CTNND2: variants seen among roughly 807,000 people sequenced by gnomAD.
The protein encoded by CTNND2 is catenin delta-2.
Under a neutral mutation model 144.4 loss-of-function variants are expected in CTNND2, and 22 were observed. The observed-to-expected ratio is 0.15, with a 90% CI of 0.11 to 0.22. The LOEUF is 0.22. Ranked by LOEUF, CTNND2 falls within the 10% of genes least tolerant of loss-of-function variation. CTNND2 has a pLI of 1.00. For missense variants in CTNND2, 1,353 were observed against 1,618.8 expected (o/e 0.84, Z 2.82); for synonymous variants, 751 against 695.6 (o/e 1.08, Z -1.25).
chr5:11,771,728 A>G (rs1451468571), intron 1 of CTNND2, among the ~76,000 whole-genome samples: 1 of 152,198 alleles, frequency 6.6e-6, no homozygotes, highest in Non-Finnish European at 1.5e-5. Flanking sequence ...TAGCTACCTG[A>G]GCTACTGTTT....
chr5:11,582,166 T>C (rs1778487856), intron 2 of CTNND2, among the ~76,000 whole-genome samples: 1 of 152,174 alleles, frequency 6.6e-6, no homozygotes. Flanking sequence ...GAAGCCCCTG[T>C]ATGAGAGACA....
chr5:11,283,258 C>T (rs1017398856), intron 9 of CTNND2, among the ~76,000 whole-genome samples: 2 of 152,108 alleles, frequency 1.3e-5, no homozygotes, highest in African/African-American at 4.8e-5. Context: ...ATTGAAATCA[C>T]TTGCCCATGC....
At chr5:11,440,897 C>T (rs1472592761) in intron 3 of CTNND2, among the ~76,000 whole-genome samples, 1 of 152,100 alleles carries the variant, frequency 6.6e-6, no homozygotes, top group South Asian at 2.1e-4. Flanking sequence ...GCTGAGTTTA[C>T]ACATAATTTG....
chr5:11,491,482 A>C (rs1024939149), intron 3 of CTNND2, among the ~76,000 whole-genome samples: 1 of 152,194 alleles, frequency 6.6e-6, no homozygotes, highest in African/African-American at 2.4e-5. Flanking sequence ...GAGAAGTTAA[A>C]TAATTTATTC....
chr5:11,161,435 G>A (rs61751858), intron 11 of CTNND2, among the ~76,000 whole-genome samples: 82 of 152,214 alleles, frequency 5.4e-4, no homozygotes, highest in Admixed American at 5.2e-3. Flanking sequence ...GGACTGATTT[G>A]AAATACTAGG....
At chr5:10,987,667 C>T (rs1738162008) in intron 20 of CTNND2, among the ~76,000 whole-genome samples, 1 of 134,602 alleles carries the variant, frequency 7.4e-6, no homozygotes, top group Non-Finnish European at 1.6e-5. Flanking sequence ...CCCCACTCCC[C>T]TCTCCTCCCC....
chr5:11,617,646 T>C (rs763893117), intron 2 of CTNND2, among the ~76,000 whole-genome samples: 9 of 152,166 alleles, frequency 5.9e-5, no homozygotes, highest in Non-Finnish European at 1.2e-4. Context: ...CATATTGGTA[T>C]ATAGAGGAAT....
chr5:11,702,118 G>T (rs545775820), intron 2 of CTNND2, among the ~76,000 whole-genome samples: 1 of 152,290 alleles, frequency 6.6e-6, no homozygotes, highest in South Asian at 2.1e-4. Context: ...GGGTCCAGTT[G>T]CTCCAGATCA....
At chr5:11,894,767 C>T (rs760374662) in intron 1 of CTNND2, among the ~76,000 whole-genome samples, 8 of 152,158 alleles carry the variant, frequency 5.3e-5, no homozygotes, top group East Asian at 1.9e-4. Flanking sequence ...GTGCCAAGCA[C>T]GATTTAGATC....
At chr5:11,764,382 T>C (rs1201133731) in intron 1 of CTNND2, among the ~76,000 whole-genome samples, 1 of 152,156 alleles carries the variant, frequency 6.6e-6, no homozygotes, top group Middle Eastern at 3.2e-3. Flanking sequence ...GACAATCTGT[T>C]ACAGCAGCCG....
intron 1 of CTNND2, among the ~76,000 whole-genome samples, chr5:11,772,084 G>A (rs937313141): frequency 5.3e-5 from 8 of 152,144 alleles, no homozygotes; most frequent in African/African-American, 1.7e-4. Flanking sequence ...CATGGTCCCT[G>A]CCTGTTCTAG....
intron 1 of CTNND2, among the ~76,000 whole-genome samples, chr5:11,754,588 T>C (rs2126792193): frequency 6.6e-6 from 1 of 151,970 alleles, no homozygotes; most frequent in Non-Finnish European, 1.5e-5. Flanking sequence ...TGTGGTTATC[T>C]ACATCTCTTT....
At chr5:11,103,746 A>G (rs1232926948) in intron 14 of CTNND2, among the ~76,000 whole-genome samples, 2 of 152,090 alleles carry the variant, frequency 1.3e-5, no homozygotes, top group African/African-American at 4.8e-5. Context: ...AAGACTTTGT[A>G]AACATGGGGT....
At chr5:11,049,557 G>C (rs1312200031) in intron 16 of CTNND2, among the ~76,000 whole-genome samples, 1 of 152,118 alleles carries the variant, frequency 6.6e-6, no homozygotes, top group African/African-American at 2.4e-5. Flanking sequence ...GGATACCCTG[G>C]CAAGCCTGCG....
At chr5:11,218,670 A>G (rs1739470640) in intron 10 of CTNND2, among the ~76,000 whole-genome samples, 1 of 152,234 alleles carries the variant, frequency 6.6e-6, no homozygotes, top group South Asian at 2.1e-4. Flanking sequence ...TGTCAAAGCC[A>G]CATGGAGCAC....
intron 14 of CTNND2, among the ~76,000 whole-genome samples, chr5:11,107,591 G>C (rs975159654): frequency 6.6e-6 from 1 of 152,230 alleles, no homozygotes; most frequent in African/African-American, 2.4e-5. Context: ...CAAAAGTCCT[G>C]CTTCTCCAGG....
intron 9 of CTNND2, among the ~76,000 whole-genome samples, chr5:11,274,789 ATTG>A (rs1183154226): frequency 6.6e-6 from 1 of 152,196 alleles, no homozygotes; most frequent in African/African-American, 2.4e-5. Context: ...TATTGTTGTT[ATTG>A]TTGTTGTTGG....
intron 2 of CTNND2, among the ~76,000 whole-genome samples, chr5:11,691,287 C>T (rs184420421): frequency 1.4e-3 from 211 of 151,930 alleles, no homozygotes; most frequent in African/African-American, 4.9e-3. Context: ...AGAAGAATGG[C>T]GTGAACCCAG....
intron 14 of CTNND2, among the ~76,000 whole-genome samples, chr5:11,107,523 G>C (rs995028406): frequency 6.6e-6 from 1 of 152,202 alleles, no homozygotes; most frequent in East Asian, 1.9e-4. Context: ...TAGGTGGTGG[G>C]ATTTCATGAT....
Sources: gnomAD v4.1 joint callset for allele counts (sites outside exome capture counted in the v4.1 genomes callset) on GRCh38, gnomAD v4.1.1 for gene constraint, MANE v1.5 for transcripts, NCBI Gene and HGNC (gene_info 2026-07-23, HGNC 2026-07-21) for gene names.